Variants in PALS2 observed in about 807,000 individuals in gnomAD.
PALS2 encodes protein associated with LIN7 2, MAGUK p55 family member.
Under a neutral mutation model 61.6 loss-of-function variants are expected in PALS2, and 27 were observed. That is an observed-to-expected ratio of 0.44 (90% CI 0.32 to 0.60). The LOEUF (loss-of-function observed/expected upper bound fraction) is 0.60. PALS2 is among the 20% of genes least tolerant of loss of function. PALS2 has a pLI of 0.05. For synonymous variants in PALS2, 236 were observed against 218.6 expected (o/e 1.08, Z -0.70); for missense variants, 554 against 639.4 (o/e 0.87, Z 1.44).
chr7:24,680,248 G>A, intron 10 of PALS2, 144 bp from the exon 11 acceptor site: 2 of 717,636 alleles, frequency 2.8e-6, no homozygotes, highest in Non-Finnish European at 4.2e-6. Context: ...TATATGGAAT[G>A]AGAAGGACAG....
chr7:24,637,963 A>C (rs1368128347), intron 2 of PALS2, among the ~76,000 whole-genome samples: 2 of 152,180 alleles, frequency 1.3e-5, no homozygotes, highest in Non-Finnish European at 2.9e-5. Flanking sequence ...CTTTAATTTA[A>C]AAAAAGAAAA....
At chr7:24,626,801 C>G (rs1784764863) in intron 2 of PALS2, among the ~76,000 whole-genome samples, 1 of 152,150 alleles carries the variant, frequency 6.6e-6, no homozygotes, top group Non-Finnish European at 1.5e-5. Context: ...GTAAAGGGAT[C>G]AATGCAACAA....
chr7:24,670,523 C>T (rs1787244162), intron 9 of PALS2, among the ~76,000 whole-genome samples: 1 of 152,104 alleles, frequency 6.6e-6, no homozygotes, highest in Non-Finnish European at 1.5e-5. Context: ...CCTTGTTTTG[C>T]TGGGGTACAT....
Position 24,688,873 on chromosome 7 carries a change from G to A in PALS2, c.*1259G>A, listed in dbSNP as rs981314112. ...CTGTCACCCATGCTGGAGTACAGTG[G>A]CGCGATCTCAGCCCGCTGCAACCTC... is the stretch of plus-strand genomic sequence containing the variant. On this transcript the variant is annotated 3_prime_UTR_variant, in exon 12 of 12. Transcript: ENST00000222644. 2.0e-5 allele frequency: 3 copies of A among 151,936 alleles called. No individual in the cohort carries two copies. The highest frequency in any genetic ancestry group is 7.3e-5 in the African/African-American group (3 of 41,364). The allele number at this position is 151,936 out of a possible 1,614,324, so 9.4% of individuals were successfully genotyped here.
chr7:24,590,576 A>G (rs1237810145), intron 1 of PALS2, among the ~76,000 whole-genome samples: 1 of 152,152 alleles, frequency 6.6e-6, no homozygotes, highest in Non-Finnish European at 1.5e-5. Context: ...AATCTGAGAC[A>G]GGCCAACTTC....
chr7:24,683,926 T>C (rs772475346), intron 11 of PALS2, among the ~76,000 whole-genome samples: 7 of 152,210 alleles, frequency 4.6e-5, no homozygotes, highest in Non-Finnish European at 1.0e-4. Context: ...ACTGGAAATG[T>C]TAGAATTAGA....
chr7:24,601,420 C>T (rs1044617324), intron 1 of PALS2, among the ~76,000 whole-genome samples: 2 of 152,056 alleles, frequency 1.3e-5, no homozygotes, highest in East Asian at 3.8e-4. Flanking sequence ...TCTGATTTGT[C>T]AACTTCATTT....
At chr7:24,663,226 A>G (rs997589443) in intron 5 of PALS2, among the ~76,000 whole-genome samples, 3 of 152,200 alleles carry the variant, frequency 2.0e-5, no homozygotes, top group Admixed American at 2.0e-4. Flanking sequence ...AACTACCTAT[A>G]TTATATTTCA....
intron 2 of PALS2, among the ~76,000 whole-genome samples, chr7:24,636,269 C>CT (rs1406536757): frequency 6.6e-6 from 1 of 150,670 alleles, no homozygotes; most frequent in African/African-American, 2.4e-5. Context: ...GGTGAATTTG[C>CT]TTACCAGTGT....
At chr7:24,603,741 A>G in intron 1 of PALS2, among the ~76,000 whole-genome samples, 1 of 152,212 alleles carries the variant, frequency 6.6e-6, no homozygotes, top group South Asian at 2.1e-4. Flanking sequence ...TCAGACTAAA[A>G]TGTAAAAATA....
At chr7:24,683,640 C>T (rs1400748328) in intron 11 of PALS2, among the ~76,000 whole-genome samples, 1 of 151,988 alleles carries the variant, frequency 6.6e-6, no homozygotes, top group Admixed American at 6.6e-5. Flanking sequence ...GCCATTTTTC[C>T]AAGATACTCT....
At chr7:24,611,054 A>G (rs1188523699) in intron 1 of PALS2, among the ~76,000 whole-genome samples, 1 of 152,146 alleles carries the variant, frequency 6.6e-6, no homozygotes. Context: ...AGGATTTTTA[A>G]TATTAAAATA....
At chr7:24,677,945 A>T (rs188709217) in intron 9 of PALS2, among the ~76,000 whole-genome samples, 1 of 152,168 alleles carries the variant, frequency 6.6e-6, no homozygotes, top group Non-Finnish European at 1.5e-5. Context: ...AAAGTTTTCT[A>T]TGTCTTAGGC....
intron 2 of PALS2, among the ~76,000 whole-genome samples, chr7:24,633,858 A>G (rs1024890201): frequency 6.6e-6 from 1 of 152,098 alleles, no homozygotes. Flanking sequence ...CAAGAGTTCT[A>G]ATATCTCTGT....
intron 2 of PALS2, among the ~76,000 whole-genome samples, chr7:24,628,968 T>C (rs1784869911): frequency 6.6e-6 from 1 of 152,206 alleles, no homozygotes; most frequent in Non-Finnish European, 1.5e-5. Context: ...ATTGACTTTC[T>C]TCACAGAGTT....
chr7:24,588,169 G>A (rs1297043613), intron 1 of PALS2, among the ~76,000 whole-genome samples: 1 of 152,106 alleles, frequency 6.6e-6, no homozygotes. Flanking sequence ...GAGTAGGCAG[G>A]TTCTTCCCTG....
chr7:24,624,085 C>T (rs1273025655), intron 2 of PALS2: 1 of 1,331,004 alleles, frequency 7.5e-7, no homozygotes, highest in African/African-American at 1.5e-5. Flanking sequence ...GATCCTGATC[C>T]TATTTCCATT....
intron 1 of PALS2, among the ~76,000 whole-genome samples, chr7:24,585,759 C>T (rs375735559): frequency 2.0e-5 from 3 of 152,066 alleles, no homozygotes; most frequent in Non-Finnish European, 2.9e-5. Context: ...ACTGCAGTGC[C>T]GAGATCTCGG....
At chr7:24,611,333 G>A (rs1226472215) in intron 1 of PALS2, among the ~76,000 whole-genome samples, 1 of 151,916 alleles carries the variant, frequency 6.6e-6, no homozygotes, top group Admixed American at 6.6e-5. Flanking sequence ...GCAATTCACG[G>A]GAAGTTGATA....
Sources: gnomAD v4.1 joint callset for allele counts (sites outside exome capture counted in the v4.1 genomes callset) on GRCh38, gnomAD v4.1.1 for gene constraint, MANE v1.5 for transcripts, NCBI Gene and HGNC (gene_info 2026-07-23, HGNC 2026-07-21) for gene names.